Variants in GARNL3 observed in about 807,000 individuals in gnomAD.
GARNL3 encodes the protein GTPase activating Rap/RanGAP domain like 3.
Under a neutral mutation model 125.0 loss-of-function variants are expected in GARNL3, and 63 were observed. The ratio of observed to expected loss-of-function variants is 0.50; its 90% CI spans 0.41 to 0.62. The LOEUF (loss-of-function observed/expected upper bound fraction) is 0.62, where lower values mean the gene tolerates loss of function less well. Ranked by LOEUF, GARNL3 falls within the 20% of genes least tolerant of loss-of-function variation. GARNL3 has a pLI of 0.00. For missense variants in GARNL3, 994 were observed against 1,244.0 expected, an observed-to-expected ratio of 0.80 and a Z score of 3.02; for synonymous variants, 439 against 457.5, an observed-to-expected ratio of 0.96 and a Z score of 0.52.
In GARNL3 at chr9:127,368,610, C is replaced by T. The variant is rs113329348; in HGVS notation, c.2161+3244C>T. 8.8e-3 allele frequency among the ~76,000 whole-genome samples: 1,316 copies of T among 149,080 alleles called. 21 individuals carry two copies. The highest frequency in any genetic ancestry group is 0.03 in the African/African-American group (1,227 of 40,818). On this transcript the variant is annotated intron_variant, in intron 22 of 27. Transcript: ENST00000373387. ...CCTCCCAAAGTGCTGGGATTACAGG[C>T]GTGAACCACTGTGCCCACCCCGAAA... is the stretch of plus-strand genomic sequence containing the variant.
At chr9:127,312,025 C>T (rs566988999) in intron 3 of GARNL3, among the ~76,000 whole-genome samples, 6 of 152,172 alleles carry the variant, frequency 3.9e-5, no homozygotes, top group African/African-American at 1.4e-4. Flanking sequence ...ACGAATTTTC[C>T]AGGGTGGAAA....
chr9:127,234,921 G>C (rs1380912122), intron 1 of GARNL3, among the ~76,000 whole-genome samples: 1 of 152,112 alleles, frequency 6.6e-6, no homozygotes, highest in African/African-American at 2.4e-5. Flanking sequence ...TACCACGTTG[G>C]GGATTAAGTT....
chr9:127,335,893 T>A (rs752739472), intron 10 of GARNL3, among the ~76,000 whole-genome samples: 3 of 152,112 alleles, frequency 2.0e-5, no homozygotes, highest in Non-Finnish European at 4.4e-5. Context: ...AACCTCTATC[T>A]AAGATACTCC....
rs1348396414 is a variant in GARNL3 at position 127,318,074 on chromosome 9, A to G, written c.450A>G (p.Lys150=). 2.9e-5 allele frequency: 46 copies of G among 1,607,276 alleles called. No homozygotes were observed. The highest frequency in any genetic ancestry group is 3.9e-5 in the Non-Finnish European group (46 of 1,173,874). ...TTGGACTTTTCCAGGGTACCCAGAA[A>G]ATATGCCTTCCCTACAGTCCCACAA... ...AILWRKTGTQ[K]ICLPYSPTKT... The change falls in exon 5 of 28, where the codon AAA becomes AAG. Residue 150 remains lysine (K), a synonymous_variant. Transcript: ENST00000373387.
intron 12 of GARNL3, among the ~76,000 whole-genome samples, chr9:127,338,514 C>G (rs1346615641): frequency 5.9e-5 from 9 of 152,306 alleles, no homozygotes; most frequent in Middle Eastern, 6.8e-3. Context: ...GTAAAAAGAA[C>G]CTGAACTTTG....
chr9:127,329,470 T>C (rs1829088315), intron 7 of GARNL3, among the ~76,000 whole-genome samples: 1 of 152,144 alleles, frequency 6.6e-6, no homozygotes, highest in Non-Finnish European at 1.5e-5. Flanking sequence ...CAGACTTTGC[T>C]CTTGTCTGAC....
intron 6 of GARNL3, 72 bp downstream of exon 6, chr9:127,320,850 C>T: frequency 1.9e-6 from 2 of 1,031,580 alleles, no homozygotes; most frequent in Non-Finnish European, 3.0e-6. Flanking sequence ...GACAGGTCAT[C>T]ATAATCCTTA....
intron 24 of GARNL3, among the ~76,000 whole-genome samples, chr9:127,386,355 G>A (rs1832542705): frequency 6.6e-6 from 1 of 152,192 alleles, no homozygotes; most frequent in African/African-American, 2.4e-5. Flanking sequence ...CTCCATCACT[G>A]TAAGTCTAGA....
intron 15 of GARNL3, 68 bp from the exon 16 acceptor site, chr9:127,345,335 T>C: frequency 1.0e-6 from 1 of 962,514 alleles, no homozygotes; most frequent in Non-Finnish European, 1.5e-6. Context: ...TTTTGTCAAA[T>C]CACAATTGTT....
intron 1 of GARNL3, among the ~76,000 whole-genome samples, chr9:127,273,783 A>T (rs1050288049): frequency 6.6e-5 from 10 of 152,188 alleles, no homozygotes; most frequent in Non-Finnish European, 1.5e-4. Flanking sequence ...AAAAAGTGCC[A>T]TGCTTCTCCT....
At position 127,392,356 on chromosome 9, in the gene GARNL3, T is replaced by C. The variant is rs1240290474; in HGVS notation, c.2871-727T>C. Among the ~76,000 whole-genome samples the C allele has an allele frequency of 6.6e-6, 1 of 151,978 alleles. No individual in the cohort carries two copies. Among genetic ancestry groups the C allele is most frequent in the African/African-American group, 2.4e-5 (1 of 41,356 alleles). ...TAGAAGGTCTACTCTGAGAGAGGGGTCAAGGAAAGCTTTTTGAGGAAGTAG... is the reference window on the plus strand; with the variant it reads ...TAGAAGGTCTACTCTGAGAGAGGGGCCAAGGAAAGCTTTTTGAGGAAGTAG... On this transcript the variant is annotated intron_variant, in intron 27 of 27. Coordinates refer to ENST00000373387, the MANE Select transcript of GARNL3 (RefSeq NM_032293.5). This position sits in a 1 kb window ranked among gnomAD's most constrained non-coding sequence, Gnocchi z 5.2.
intron 1 of GARNL3, among the ~76,000 whole-genome samples, chr9:127,237,634 G>C (rs1364030459): frequency 6.6e-6 from 1 of 152,182 alleles, no homozygotes; most frequent in Non-Finnish European, 1.5e-5. Context: ...AGTAGCCAAA[G>C]GTTCCCTGTA....
chr9:127,234,608 A>G (rs1451158481), intron 1 of GARNL3, among the ~76,000 whole-genome samples: 1 of 152,248 alleles, frequency 6.6e-6, no homozygotes, highest in African/African-American at 2.4e-5. Context: ...GAAGAAGGCT[A>G]TTCACTGTAG....
chr9:127,331,508 A>G (rs1197701677), intron 7 of GARNL3, among the ~76,000 whole-genome samples: 2 of 151,760 alleles, frequency 1.3e-5, no homozygotes, highest in South Asian at 2.1e-4. Flanking sequence ...AAGAAAGAAA[A>G]AAAAAAACCA....
intron 4 of GARNL3, among the ~76,000 whole-genome samples, chr9:127,317,584 G>T (rs1014491619): frequency 5.9e-5 from 9 of 152,058 alleles, no homozygotes; most frequent in Admixed American, 3.9e-4. Context: ...AGGCATGGTG[G>T]TGCATGCCTG....
intron 19 of GARNL3, 100 bp downstream of exon 19, chr9:127,354,510 A>G: frequency 1.4e-6 from 1 of 694,268 alleles, no homozygotes; most frequent in Non-Finnish European, 2.5e-6. Context: ...ATTTGATCTT[A>G]TTAGTTTGTT....
intron 11 of GARNL3, among the ~76,000 whole-genome samples, chr9:127,337,224 T>G (rs1829601965): frequency 3.3e-5 from 5 of 152,218 alleles, no homozygotes; most frequent in Admixed American, 2.6e-4. Context: ...GATTTAGGAC[T>G]AATATTTCCC....
chr9:127,297,474 C>T (rs543934032), intron 2 of GARNL3, among the ~76,000 whole-genome samples: 1 of 152,184 alleles, frequency 6.6e-6, no homozygotes, highest in Admixed American at 6.5e-5. Context: ...TTTTTTAACA[C>T]AAGGACAATT....
rs566776099 is a variant in GARNL3 at position 127,368,764 on chromosome 9, G to A, written c.2161+3398G>A. ...AGCCTAGCCAACATGGTGAAACCCCGTCTCTACTAAAAATACAAAAATCAG... is the reference window on the plus strand; with the variant it reads ...AGCCTAGCCAACATGGTGAAACCCCATCTCTACTAAAAATACAAAAATCAG... On this transcript the variant is annotated intron_variant, in intron 22 of 27. Transcript: ENST00000373387. Among the ~76,000 whole-genome samples the A allele has an allele frequency of 8.6e-5, 13 of 151,758 alleles. No homozygotes were observed. The South Asian group carries it at 1.5e-3, about 17-fold the overall frequency.
Sources: allele counts gnomAD v4.1 joint callset (sites outside exome capture counted in the v4.1 genomes callset), GRCh38; gene constraint gnomAD v4.1.1; non-coding constraint Gnocchi (gnomAD v3.1); transcripts MANE v1.5; gene names NCBI Gene and HGNC (gene_info 2026-07-23, HGNC 2026-07-21).